The following MED16 variants were observed in gnomAD, a reference collection of about 807,000 sequenced individuals.
MED16 encodes mediator complex subunit 16, also known as mediator of RNA polymerase II transcription subunit 16.
A neutral mutation model predicts 84.4 loss-of-function variants in MED16; 81 were observed. The ratio of observed to expected loss-of-function variants is 0.96; its 90% CI spans 0.80 to 1.15. The LOEUF (loss-of-function observed/expected upper bound fraction) is 1.15. Ranked by LOEUF, MED16 falls within the 50% of genes most tolerant of loss-of-function variation. The pLI is 0.00. For synonymous variants in MED16, 897 were observed against 552.2 expected (o/e 1.62, Z -8.76); for missense variants, 1,585 against 1,245.9 (o/e 1.27, Z -4.10).
intron 8 of MED16, 33 bp downstream of exon 8, chr19:879,904 C>A: frequency 6.6e-7 from 1 of 1,525,636 alleles, no homozygotes; most frequent in Non-Finnish European, 8.8e-7. Context: ...TCAATGCCCA[C>A]CAGCCCCGGC....
At position 871,224 on chromosome 19, in the gene MED16, C is replaced by A; in HGVS notation, c.2128G>T (p.Asp710Tyr). Residue 710 changes from aspartate (D) to tyrosine (Y), a missense_variant, in exon 13 of 16, where the codon GAC (aspartate) becomes TAC (tyrosine). Transcript: ENST00000325464. ...CRDEGPASEP[D>Y]EALVDECCLL... Reference sequence around the variant, plus strand: ...CAGCATTCATCCACCAGCGCCTCGTCCGGCTCGCTCGCTGGGCCCTCATCG... The same window carrying A: ...CAGCATTCATCCACCAGCGCCTCGTACGGCTCGCTCGCTGGGCCCTCATCG... The A allele has an allele frequency of 6.5e-7, 1 of 1,543,166 alleles. No individual in the cohort carries two copies. Among genetic ancestry groups the A allele is most frequent in the Non-Finnish European group, 8.8e-7 (1 of 1,141,346 alleles).
intron 12 of MED16, chr19:871,459 G>A (rs560993850): frequency 1.0e-4 from 141 of 1,416,336 alleles, no homozygotes; most frequent in East Asian, 6.7e-4. Context: ...TTCTCTCCCC[G>A]TCTCTGGCCT....
intron 12 of MED16, chr19:871,695 C>T: frequency 1.4e-6 from 2 of 1,423,314 alleles, no homozygotes; most frequent in Non-Finnish European, 1.9e-6. Context: ...GGCAGAGCCA[C>T]TGCCACCTGC....
rs769353512 is a variant in MED16 at position 868,506 on chromosome 19, G to T, written c.2400-7C>A. Reference sequence around the variant, plus strand: ...CATGGTGACACAGCCGCACCTGCGGGGAGGCAGGCACTGAGCGGGTTCCCA... The same window carrying T: ...CATGGTGACACAGCCGCACCTGCGGTGAGGCAGGCACTGAGCGGGTTCCCA... On this transcript the variant is annotated splice_polypyrimidine_tract_variant and splice_region_variant and intron_variant, in intron 14 of 15. Coordinates refer to ENST00000325464, the MANE Select transcript of MED16 (RefSeq NM_005481.3). 6.2e-7 allele frequency: 1 copy of T among 1,609,280 alleles called. No individual in the cohort carries two copies. Among genetic ancestry groups the T allele is most frequent in the East Asian group, 2.2e-5 (1 of 44,884 alleles).
intron 8 of MED16, among the ~76,000 whole-genome samples, chr19:878,355 ACCAGCCCCAGCC>A (rs376810168): frequency 3.1e-3 from 44 of 14,244 alleles, no homozygotes; most frequent in Admixed American, 4.2e-3. Flanking sequence ...GTCAATGCCC[ACCAGCCCCAGCC>A]CCAGCCCCAG....
At chr19:869,844 T>C (rs1410750702) in intron 13 of MED16, among the ~76,000 whole-genome samples, 3 of 152,194 alleles carry the variant, frequency 2.0e-5, no homozygotes, top group Non-Finnish European at 4.4e-5. Flanking sequence ...TGAAACAGGC[T>C]GGGGGTCTGA....
intron 4 of MED16, among the ~76,000 whole-genome samples, chr19:888,756 C>T (rs1300185797): frequency 1.3e-5 from 2 of 152,156 alleles, no homozygotes; most frequent in African/African-American, 2.4e-5. Context: ...GGCACGAAGC[C>T]GGTGCTGCGT....
intron 10 of MED16, 83 bp downstream of exon 10, chr19:875,161 C>T (rs2036199608): frequency 4.0e-6 from 4 of 1,003,772 alleles, no homozygotes; most frequent in Non-Finnish European, 5.5e-6. Context: ...AAGACCCTAT[C>T]TCAAAAGAGT....
At position 882,257 on chromosome 19, in the gene MED16, C is replaced by G. The variant is rs138044206; in HGVS notation, c.986-543G>C. ...GCACAGCAGCTCACATCTGCCACCC[C>G]AAGACTTTGGGAAGCCAACGCCAGA... On this transcript the variant is annotated intron_variant, in intron 6 of 15. Coordinates refer to ENST00000325464, the MANE Select transcript of MED16 (RefSeq NM_005481.3). 1.6e-3 allele frequency among the ~76,000 whole-genome samples: 249 copies of G among 152,338 alleles called. 1 individual carries two copies. The highest frequency in any genetic ancestry group is 2.8e-3 in the Non-Finnish European group (189 of 68,030).
At chr19:875,914 A>T (rs1331850540) in intron 9 of MED16, among the ~76,000 whole-genome samples, 1 of 152,192 alleles carries the variant, frequency 6.6e-6, no homozygotes, top group East Asian at 1.9e-4. Flanking sequence ...TGGGAGTTGG[A>T]GAGCCTGTGC....
chr19:882,686 A>C (rs2036444724), intron 6 of MED16, among the ~76,000 whole-genome samples: 1 of 152,234 alleles, frequency 6.6e-6, no homozygotes, highest in Admixed American at 6.5e-5. Flanking sequence ...CGTGGGAACC[A>C]GGAGAGCGCA....
At chr19:873,366 G>A (rs1439825584) in intron 11 of MED16, 83 bp downstream of exon 11, 27 of 1,430,026 alleles carry the variant, frequency 1.9e-5, no homozygotes, top group Non-Finnish European at 2.4e-5. Context: ...AGGTGGTTTT[G>A]AGGGGCAGGG....
chr19:868,010 G>A lies in MED16; in HGVS notation c.*91C>T, dbSNP rs2035953858. On this transcript the variant is annotated 3_prime_UTR_variant, in exon 16 of 16. Transcript: ENST00000325464. ...GACCTGTCCTTCCCAGCCGCTGCTT[G>A]TCCAGGTTCAGCGCTCTCCGCGGGT... 20 of 1,470,466 alleles carry A rather than the reference G, an allele frequency of 1.4e-5. 1 individual carries two copies. The South Asian group carries it at 2.7e-4, about 20-fold the overall frequency. The allele number at this position is 1,470,466 out of a possible 1,614,324, so 91.1% of individuals were successfully genotyped here.
Position 891,149 on chromosome 19 carries a change from C to A in MED16, c.-18G>T, listed in dbSNP as rs776418555. On this transcript the variant is annotated splice_region_variant and 5_prime_UTR_variant, in exon 2 of 16. Coordinates refer to ENST00000325464, the MANE Select transcript of MED16 (RefSeq NM_005481.3). ...TCACACATGAGGGCAGTCACCAGCT[C>A]CTGCGGGAGGGAGGTGTGGTGGGAC... 1 of 1,604,846 alleles carries A rather than the reference C, an allele frequency of 6.2e-7. No individual in the cohort carries two copies. Among genetic ancestry groups the A allele is most frequent in the African/African-American group, 1.3e-5 (1 of 74,772 alleles).
intron 9 of MED16, among the ~76,000 whole-genome samples, chr19:876,053 C>T (rs921968436): frequency 6.6e-5 from 10 of 152,228 alleles, no homozygotes; most frequent in African/African-American, 1.9e-4. Flanking sequence ...TCACTGGCTA[C>T]GGATCCCAGC....
Position 885,888 on chromosome 19 carries a change from C to G in MED16, c.761G>C (p.Arg254Pro), listed in dbSNP as rs572122997. The stretch of plus-strand genomic sequence containing the variant: ...GGAGGGCAGGATCTCCGTGTCGATA[C>G]GGCACTTCTCGCTCACCACGCTCAC... ...VCVSVVSEKC[R>P]IDTEILPSLF... Residue 254 changes from arginine (R) to proline (P), a missense_variant, in exon 5 of 16, where the codon CGT becomes CCT. Coordinates refer to ENST00000325464, the MANE Select transcript of MED16 (RefSeq NM_005481.3). The G allele has an allele frequency of 6.2e-7, 1 of 1,613,726 alleles. No individual in the cohort carries two copies. The highest frequency in any genetic ancestry group is 1.1e-5 in the South Asian group (1 of 91,090).
Position 868,095 on chromosome 19 carries a change from C to A in MED16, c.*6G>T. On this transcript the variant is annotated 3_prime_UTR_variant, in exon 16 of 16. Coordinates refer to ENST00000325464, the MANE Select transcript of MED16 (RefSeq NM_005481.3). ...TCACCACAAGGTCCGCCTGGACCCC[C>A]GGCCGTCACGGACGGTCCTCTGGAT... 6.2e-7 allele frequency: 1 copy of A among 1,600,032 alleles called. No homozygotes were observed.
chr19:884,873 C>G (rs1479779506), intron 6 of MED16, 30 bp downstream of exon 6: 6 of 1,565,790 alleles, frequency 3.8e-6, no homozygotes, highest in South Asian at 1.1e-5. Flanking sequence ...AGGGCAGGCC[C>G]AGGGCCTCCG....
At position 879,774 on chromosome 19, in the gene MED16, A is replaced by G. The variant is rs368953151; in HGVS notation, c.1353+163T>C. On this transcript the variant is annotated intron_variant, in intron 8 of 15. Transcript: ENST00000325464. ...GTCAATGCCCACCAGCCCCAGCCCC[A>G]CGTGCCCCAGCAGCTCGCCTTCCCC... 2.5e-5 allele frequency among the ~76,000 whole-genome samples: 3 copies of G among 118,938 alleles called. No individual in the cohort carries two copies. The East Asian group carries it at 8.5e-4, about 34-fold the overall frequency. The allele number at this position is 118,938 out of a possible 152,430, so 78.0% of individuals were successfully genotyped here.
Sources: gnomAD v4.1 joint callset for allele counts (sites outside exome capture counted in the v4.1 genomes callset) on GRCh38, gnomAD v4.1.1 for gene constraint, MANE v1.5 for transcripts, NCBI Gene and HGNC (gene_info 2026-07-23, HGNC 2026-07-21) for gene names.